TNNI3K: variants seen among roughly 807,000 people sequenced by gnomAD.
TNNI3K encodes the protein TNNI3 interacting kinase.
A neutral mutation model predicts 114.5 loss-of-function variants in TNNI3K; 140 were observed. That is an observed-to-expected ratio of 1.22 (90% CI 1.07 to 1.41). The LOEUF (loss-of-function observed/expected upper bound fraction) is 1.41. Ranked by LOEUF, TNNI3K falls within the 40% of genes most tolerant of loss-of-function variation. The pLI is 0.00. For missense variants in TNNI3K, 1,125 were observed against 1,007.6 expected, an observed-to-expected ratio of 1.12 and a Z score of -1.58; for synonymous variants, 347 against 347.5, an observed-to-expected ratio of 1.00 and a Z score of 0.02.
intron 23 of TNNI3K, among the ~76,000 whole-genome samples, chr1:74,510,369 A>G (rs1216369622): frequency 6.6e-6 from 1 of 152,008 alleles, no homozygotes; most frequent in East Asian, 1.9e-4. Context: ...TTAGCCGGGC[A>G]TGGTGCCTGG....
rs751624085 is a variant in TNNI3K, at chr1:74,331,501, G to GT, written c.503dup (p.Thr169HisfsTer12). On this transcript the variant is annotated frameshift_variant, in exon 6 of 25. Coordinates refer to ENST00000326637, the MANE Select transcript of TNNI3K (RefSeq NM_015978.3). LOFTEE classifies it high-confidence loss of function. The stretch of plus-strand genomic sequence containing the variant: ...AGCTAATGTCAATATTCAAGATGCA[G>GT]TTTTTTTCACTCCATTGCATATTGC... 2 of 1,613,756 alleles carry GT rather than the reference G, an allele frequency of 1.2e-6. No homozygotes were observed. Among genetic ancestry groups the GT allele is most frequent in the South Asian group, 1.1e-5 (1 of 90,998 alleles).
chr1:74,427,141 T>G (rs940494510), intron 17 of TNNI3K, among the ~76,000 whole-genome samples: 1 of 152,102 alleles, frequency 6.6e-6, no homozygotes, highest in African/African-American at 2.4e-5. Context: ...GGAAGACTTG[T>G]GTTTGCTCAT....
chr1:74,247,289 G>T (rs997593169), intron 2 of TNNI3K, among the ~76,000 whole-genome samples: 12 of 152,112 alleles, frequency 7.9e-5, no homozygotes, highest in Admixed American at 7.9e-4. Context: ...GGAGTTGTTT[G>T]TTCCTCCCGT....
At chr1:74,253,658 C>G (rs1370105346) in intron 4 of TNNI3K, among the ~76,000 whole-genome samples, 2 of 152,112 alleles carry the variant, frequency 1.3e-5, no homozygotes, top group African/African-American at 4.8e-5. Flanking sequence ...CAAGCCCACG[C>G]CCACGCCCAC....
At chr1:74,448,260 T>TAAAAAAAAAAAA (rs71588834) in intron 20 of TNNI3K, among the ~76,000 whole-genome samples, 10 of 89,116 alleles carry the variant, frequency 1.1e-4, no homozygotes, top group East Asian at 3.7e-4. Flanking sequence ...TAGAGTATAA[T>TAAAAAAAAAAAA]AAAAAAAAAA....
chr1:74,537,173 A>G (rs1289219321), intron 23 of TNNI3K, among the ~76,000 whole-genome samples: 2 of 152,242 alleles, frequency 1.3e-5, no homozygotes, highest in African/African-American at 4.8e-5. Context: ...AAGAAACCAG[A>G]TAGCCATTTT....
intron 20 of TNNI3K, among the ~76,000 whole-genome samples, chr1:74,457,541 G>C (rs745533459): frequency 6.6e-6 from 1 of 152,090 alleles, no homozygotes; most frequent in East Asian, 1.9e-4. Flanking sequence ...CCGCAGCCCT[G>C]CCCATTAAAA....
chr1:74,469,448 A>G (rs1176714089), intron 21 of TNNI3K: 1 of 153,276 alleles, frequency 6.5e-6, no homozygotes, highest in Non-Finnish European at 1.5e-5. Flanking sequence ...ATATGAATAT[A>G]TAATTATCCA....
chr1:74,505,695 G>A (rs1669860138), intron 23 of TNNI3K, among the ~76,000 whole-genome samples: 1 of 152,040 alleles, frequency 6.6e-6, no homozygotes, highest in South Asian at 2.1e-4. Context: ...TAAACCAGTT[G>A]TCATTTCTCA....
chr1:74,509,712 A>G (rs2100373518), intron 23 of TNNI3K, among the ~76,000 whole-genome samples: 1 of 120,290 alleles, frequency 8.3e-6, no homozygotes, highest in African/African-American at 3.1e-5. Flanking sequence ...AAAGGTACCT[A>G]TGAACTGCTT....
intron 21 of TNNI3K, among the ~76,000 whole-genome samples, chr1:74,482,380 A>G (rs557434710): frequency 3.1e-4 from 47 of 152,360 alleles, no homozygotes; most frequent in African/African-American, 8.7e-4. Context: ...ACAGACATCA[A>G]CTGTCTCTGA....
At chr1:74,352,159 T>C (rs1407344168) in intron 9 of TNNI3K, among the ~76,000 whole-genome samples, 2 of 152,210 alleles carry the variant, frequency 1.3e-5, no homozygotes, top group African/African-American at 4.8e-5. Flanking sequence ...GTGGATGTCC[T>C]TTCTGTTTGT....
intron 9 of TNNI3K, among the ~76,000 whole-genome samples, chr1:74,346,791 G>A (rs553005762): frequency 1.3e-5 from 2 of 151,446 alleles, no homozygotes; most frequent in Non-Finnish European, 2.9e-5. Context: ...CCAAGATCAA[G>A]GTGTCAACAG....
chr1:74,311,255 G>A (rs1006989290), intron 5 of TNNI3K, among the ~76,000 whole-genome samples: 1 of 152,112 alleles, frequency 6.6e-6, no homozygotes, highest in Admixed American at 6.6e-5. Context: ...GCAATTAGGA[G>A]TTAGAGTGAG....
At chr1:74,402,909 T>C (rs947502225) in intron 17 of TNNI3K, among the ~76,000 whole-genome samples, 1 of 152,186 alleles carries the variant, frequency 6.6e-6, no homozygotes, top group Non-Finnish European at 1.5e-5. Context: ...TTAGTGTTAG[T>C]GTATTTTATG....
intron 10 of TNNI3K, 94 bp downstream of exon 10, chr1:74,353,454 C>T (rs1661489796): frequency 1.5e-6 from 2 of 1,324,184 alleles, no homozygotes; most frequent in African/African-American, 1.5e-5. Context: ...TGGGAGTGCT[C>T]AACTCCAGTG....
At chr1:74,271,956 T>C (rs1656379522) in intron 5 of TNNI3K, among the ~76,000 whole-genome samples, 1 of 151,928 alleles carries the variant, frequency 6.6e-6, no homozygotes, top group Non-Finnish European at 1.5e-5. Flanking sequence ...TTATAGCAGC[T>C]CAGTTTCCAC....
chr1:74,379,018 G>A (rs915302869), intron 17 of TNNI3K, among the ~76,000 whole-genome samples: 8 of 151,846 alleles, frequency 5.3e-5, no homozygotes, highest in South Asian at 2.1e-4. Context: ...TGAACTAATA[G>A]CAGTAATTGG....
At chr1:74,515,616 G>A (rs575418230) in intron 23 of TNNI3K, among the ~76,000 whole-genome samples, 3 of 152,284 alleles carry the variant, frequency 2.0e-5, no homozygotes, top group Admixed American at 2.0e-4. Flanking sequence ...ATAACTCAGG[G>A]TGGGCAGGTG....
Sources: gnomAD v4.1 joint callset for allele counts (sites outside exome capture counted in the v4.1 genomes callset) on GRCh38, gnomAD v4.1.1 for gene constraint, MANE v1.5 for transcripts, NCBI Gene and HGNC (gene_info 2026-07-23, HGNC 2026-07-21) for gene names.